The following MAGI2 variants were observed in gnomAD, a reference collection of about 807,000 sequenced individuals.
The protein encoded by MAGI2 is membrane associated guanylate kinase, WW and PDZ domain containing 2.
MAGI2 carries 35 observed loss-of-function variants against 133.3 expected under a neutral mutation model. The ratio of observed to expected loss-of-function variants is 0.26; its 90% CI spans 0.20 to 0.35. The LOEUF is 0.35. MAGI2 is among the 10% of genes least tolerant of loss of function. The pLI, the probability that MAGI2 is intolerant of heterozygous loss-of-function variation, is 1.00. For missense variants in MAGI2, 1,636 were observed against 1,863.4 expected (o/e 0.88, Z 2.25); for synonymous variants, 729 against 710.6 (o/e 1.03, Z -0.41).
intron 2 of MAGI2, among the ~76,000 whole-genome samples, chr7:78,777,098 T>A (rs1826045056): frequency 6.6e-6 from 1 of 152,204 alleles, no homozygotes; most frequent in South Asian, 2.1e-4. Context: ...TGAAGATAGT[T>A]ATATGTGGGT....
At chr7:78,770,599 A>T (rs907001118) in intron 2 of MAGI2, among the ~76,000 whole-genome samples, 4 of 152,208 alleles carry the variant, frequency 2.6e-5, no homozygotes, top group African/African-American at 7.2e-5. Context: ...TGAAACACAC[A>T]TTCTGACTCA....
At chr7:78,038,692 CTT>C (rs1283291303) in intron 21 of MAGI2, among the ~76,000 whole-genome samples, 1 of 152,182 alleles carries the variant, frequency 6.6e-6, no homozygotes, top group African/African-American at 2.4e-5. Context: ...TGTGAGTTCA[CTT>C]TGTAAACTGT....
chr7:78,390,740 C>T (rs1177014867), intron 6 of MAGI2, among the ~76,000 whole-genome samples: 3 of 152,152 alleles, frequency 2.0e-5, no homozygotes, highest in Non-Finnish European at 4.4e-5. Flanking sequence ...AGTATATTAT[C>T]TTTTACATTT....
At chr7:79,118,388 G>A (rs1562908839) in intron 1 of MAGI2, among the ~76,000 whole-genome samples, 1 of 152,108 alleles carries the variant, frequency 6.6e-6, no homozygotes, top group Non-Finnish European at 1.5e-5. Flanking sequence ...TATTTTTGCT[G>A]AATGTCATAG....
At chr7:78,405,088 T>G (rs188950145) in intron 6 of MAGI2, among the ~76,000 whole-genome samples, 1 of 152,220 alleles carries the variant, frequency 6.6e-6, no homozygotes, top group African/African-American at 2.4e-5. Flanking sequence ...CCAACAGCAT[T>G]TTTTCCTAAA....
chr7:78,598,411 A>T (rs1309134714), intron 3 of MAGI2, among the ~76,000 whole-genome samples: 1 of 152,098 alleles, frequency 6.6e-6, no homozygotes, highest in Non-Finnish European at 1.5e-5. Context: ...ACCTTGAGTT[A>T]TGAGAGGGCA....
chr7:78,443,934 G>A (rs909123299), intron 6 of MAGI2, among the ~76,000 whole-genome samples: 1 of 152,076 alleles, frequency 6.6e-6, no homozygotes, highest in South Asian at 2.1e-4. Flanking sequence ...TGTGGGAGGA[G>A]AATATTCTTC....
intron 2 of MAGI2, among the ~76,000 whole-genome samples, chr7:78,868,807 G>A (rs1308701111): frequency 1.3e-5 from 2 of 151,956 alleles, no homozygotes; most frequent in African/African-American, 4.8e-5. Flanking sequence ...AGGCTGGAGT[G>A]CAGTGGCGAG....
Position 78,135,960 on chromosome 7 carries a change from G to GA in MAGI2, c.2846-755dup, listed in dbSNP as rs928051902. ...CACACCTTTATTTTATATGCCACGGGAAAAAAAATAAAAAGAAACACTGCT... is the reference window on the plus strand; with the variant it reads ...CACACCTTTATTTTATATGCCACGGGAAAAAAAAATAAAAAGAAACACTGCT... On this transcript the variant is annotated intron_variant, in intron 16 of 21. Coordinates refer to ENST00000354212, the MANE Select transcript of MAGI2 (RefSeq NM_012301.4). Among the ~76,000 whole-genome samples, 6 of 151,208 alleles carry GA rather than the reference G, an allele frequency of 4.0e-5. No individual in the cohort carries two copies. The East Asian group carries it at 5.8e-4, about 15-fold the overall frequency.
chr7:78,208,799 AGTT>A (rs1787398284), intron 10 of MAGI2, among the ~76,000 whole-genome samples: 1 of 151,624 alleles, frequency 6.6e-6, no homozygotes, highest in Non-Finnish European at 1.5e-5. Context: ...ATCTTTATTG[AGTT>A]GTTGGTGTCT....
intron 9 of MAGI2, among the ~76,000 whole-genome samples, chr7:78,333,761 G>A (rs1789473036): frequency 1.3e-5 from 2 of 152,212 alleles, no homozygotes; most frequent in South Asian, 4.1e-4. Context: ...AAGCCGCCCT[G>A]CGCATGCTAG....
intron 2 of MAGI2, among the ~76,000 whole-genome samples, chr7:78,780,802 T>C (rs1369996461): frequency 1.3e-5 from 2 of 152,176 alleles, no homozygotes; most frequent in Non-Finnish European, 2.9e-5. Flanking sequence ...AAAGGGAAAG[T>C]AAACTTTCCT....
chr7:79,378,728 CATTT>C (rs1843545734), intron 1 of MAGI2, among the ~76,000 whole-genome samples: 1 of 150,948 alleles, frequency 6.6e-6, no homozygotes, highest in African/African-American at 2.4e-5. Context: ...TTTCAATATA[CATTT>C]ATTAAGTATC....
chr7:79,108,620 G>A lies in MAGI2; in HGVS notation c.302-101414C>T, dbSNP rs370620969. Among the ~76,000 whole-genome samples, 5 of 152,230 alleles carry A rather than the reference G, an allele frequency of 3.3e-5. No individual in the cohort carries two copies. The East Asian group carries it at 7.7e-4, about 24-fold the overall frequency. ...GGCTACTTTGTCTCATGTTAACTTT[G>A]TATATCCCTGCTCTATTCATTTTGT... On this transcript the variant is annotated intron_variant, in intron 1 of 21. Transcript: ENST00000354212.
At chr7:79,438,306 CT>C (rs1848279583) in intron 1 of MAGI2, among the ~76,000 whole-genome samples, 1 of 152,098 alleles carries the variant, frequency 6.6e-6, no homozygotes, top group Admixed American at 6.6e-5. Context: ...ACAAGAAAAT[CT>C]CCTAAAAATA....
chr7:78,652,226 A>T (rs979973576), intron 2 of MAGI2, among the ~76,000 whole-genome samples: 2 of 152,130 alleles, frequency 1.3e-5, no homozygotes, highest in African/African-American at 4.8e-5. Flanking sequence ...GTCTCAAGTG[A>T]TTTCCTCACT....
At chr7:79,112,789 A>C (rs1819038439) in intron 1 of MAGI2, among the ~76,000 whole-genome samples, 1 of 152,258 alleles carries the variant, frequency 6.6e-6, no homozygotes. Flanking sequence ...AAATGACTGC[A>C]TGATGAAACT....
chr7:78,559,283 G>T (rs1800176070), intron 3 of MAGI2, among the ~76,000 whole-genome samples: 1 of 143,788 alleles, frequency 7.0e-6, no homozygotes, highest in South Asian at 2.2e-4. Context: ...GGTGTATTTT[G>T]GACTTTCTTC....
chr7:78,286,836 G>A (rs1796191687), intron 9 of MAGI2, among the ~76,000 whole-genome samples: 1 of 152,100 alleles, frequency 6.6e-6, no homozygotes, highest in Non-Finnish European at 1.5e-5. Context: ...TATGAAATTG[G>A]TTAACAAGAA....
Sources: allele counts gnomAD v4.1 joint callset (sites outside exome capture counted in the v4.1 genomes callset), GRCh38; gene constraint gnomAD v4.1.1; transcripts MANE v1.5; gene names NCBI Gene and HGNC (gene_info 2026-07-23, HGNC 2026-07-21).